The following GPNMB variants were observed in gnomAD, a reference collection of about 807,000 sequenced individuals.
GPNMB encodes glycoprotein nmb.
A neutral mutation model predicts 57.3 loss-of-function variants in GPNMB; 71 were observed. The observed-to-expected ratio is 1.24, with a 90% CI of 1.02 to 1.51. GPNMB has a LOEUF of 1.51. GPNMB is among the 40% of genes most tolerant of loss of function. GPNMB has a pLI of 0.00. For missense variants in GPNMB, 677 were observed against 691.9 expected, an observed-to-expected ratio of 0.98 and a Z score of 0.24; for synonymous variants, 253 against 263.2, an observed-to-expected ratio of 0.96 and a Z score of 0.38.
intron 8 of GPNMB, among the ~76,000 whole-genome samples, chr7:23,269,766 G>A (rs1783153515): frequency 6.6e-6 from 1 of 152,160 alleles, no homozygotes; most frequent in African/African-American, 2.4e-5. Flanking sequence ...TGAGGATGCA[G>A]AGAAAGGCAT....
intron 3 of GPNMB, among the ~76,000 whole-genome samples, chr7:23,256,109 T>A (rs1782771449): frequency 1.3e-5 from 2 of 152,168 alleles, no homozygotes; most frequent in Admixed American, 1.3e-4. Context: ...TTTCACCATG[T>A]TGGCCAGGCT....
intron 1 of GPNMB, among the ~76,000 whole-genome samples, chr7:23,251,909 C>T (rs984420910): frequency 1.3e-5 from 2 of 152,098 alleles, no homozygotes; most frequent in South Asian, 2.1e-4. Flanking sequence ...TAGGAGGAGG[C>T]GTGCAGGCGG....
Position 23,271,996 on chromosome 7 carries a change from C to G in GPNMB, c.1430-1525C>G, listed in dbSNP as rs1008715298. On this transcript the variant is annotated intron_variant, in intron 9 of 10. Transcript: ENST00000258733. ...GCAAAACCAACGATGCAAGGGTGCC[C>G]TGCTTCCTGCCCAGGAAGGTGGATC... 2.0e-4 allele frequency among the ~76,000 whole-genome samples: 31 copies of G among 152,254 alleles called. 1 individual carries two copies. The highest frequency in any genetic ancestry group is 5.1e-4 in the African/African-American group (21 of 41,542).
intron 1 of GPNMB, among the ~76,000 whole-genome samples, chr7:23,249,713 A>G (rs1263254119): frequency 6.6e-6 from 1 of 152,216 alleles, no homozygotes; most frequent in African/African-American, 2.4e-5. Flanking sequence ...TCACCCATTA[A>G]AGGACATCTG....
intron 5 of GPNMB, 87 bp downstream of exon 5, chr7:23,260,225 G>C: frequency 1.4e-6 from 2 of 1,421,196 alleles, no homozygotes; most frequent in East Asian, 2.3e-5. Flanking sequence ...CAAGTGTTCG[G>C]GGTTAGGTTA....
At chr7:23,253,259 A>C in intron 1 of GPNMB, 48 bp from the exon 2 acceptor site, 1 of 1,546,814 alleles carries the variant, frequency 6.5e-7, no homozygotes, top group Non-Finnish European at 8.9e-7. Flanking sequence ...AACCACTGTG[A>C]GGTGATTACT....
chr7:23,260,152 A>T lies in GPNMB; in HGVS notation c.700+14A>T. On this transcript the variant is annotated intron_variant, in intron 5 of 10. Transcript: ENST00000258733. ...ACGTGGTAACAGGTGAGTGGTGTGA[A>T]CTCTAACTGAGGATGAGGCACTTCA... 1 of 1,612,242 alleles carries T rather than the reference A, an allele frequency of 6.2e-7. No individual in the cohort carries two copies. Among genetic ancestry groups the T allele is most frequent in the Non-Finnish European group, 8.5e-7 (1 of 1,178,484 alleles).
At chr7:23,250,028 G>A (rs1287812862) in intron 1 of GPNMB, among the ~76,000 whole-genome samples, 1 of 152,164 alleles carries the variant, frequency 6.6e-6, no homozygotes, top group East Asian at 1.9e-4. Flanking sequence ...GGCTAATGAT[G>A]TTGAATATCT....
chr7:23,250,550 T>C (rs956682599), intron 1 of GPNMB, among the ~76,000 whole-genome samples: 7 of 144,838 alleles, frequency 4.8e-5, no homozygotes, highest in African/African-American at 1.8e-4. Flanking sequence ...AGCAACATAG[T>C]GGGACCCCCA....
At chr7:23,270,487 A>G (rs1003175015) in intron 9 of GPNMB, among the ~76,000 whole-genome samples, 1 of 151,914 alleles carries the variant, frequency 6.6e-6, no homozygotes, top group Non-Finnish European at 1.5e-5. Context: ...TATTTCAAGG[A>G]GAAAGTTTAA....
In GPNMB at chr7:23,254,185, G is replaced by C; in HGVS notation, c.240G>C (p.Ala80=). 6.2e-7 allele frequency: 1 copy of C among 1,613,402 alleles called. No individual in the cohort carries two copies. The highest frequency in any genetic ancestry group is 8.5e-7 in the Non-Finnish European group (1 of 1,179,714). The change falls in exon 3 of 11, where the codon GCG becomes GCC. Residue 80 remains alanine, a synonymous_variant. Transcript: ENST00000258733. ...KNSWKGGRVQ[A]VLTSDSPALV... ...ATACCCTAGGAGGCCGTGTGCAGGC[G>C]GTCCTGACCAGTGACTCACCAGCCC...
At chr7:23,267,775 A>C (rs915707677) in intron 7 of GPNMB, 111 bp from the exon 8 acceptor site, 11 of 794,040 alleles carry the variant, frequency 1.4e-5, no homozygotes, top group Non-Finnish European at 2.2e-5. Flanking sequence ...GGGTTTCAAC[A>C]TATGAATTTC....
chr7:23,267,868 T>C lies in GPNMB; in HGVS notation c.1118-18T>C, dbSNP rs768482896. ...TGTTGTATTTTGATGTGTTTTTCTC[T>C]GGGGGTTATTTTGTTAGAGGGAATC... On this transcript the variant is annotated intron_variant, in intron 7 of 10. Transcript: ENST00000258733. 1 of 1,478,350 alleles carries C rather than the reference T, an allele frequency of 6.8e-7. No individual in the cohort carries two copies. Among genetic ancestry groups the C allele is most frequent in the Non-Finnish European group, 9.5e-7 (1 of 1,055,970 alleles). 91.6% of individuals were successfully genotyped at this position (1,478,350 alleles called of 1,614,324 possible).
chr7:23,272,725 C>T (rs1783238987), intron 9 of GPNMB, among the ~76,000 whole-genome samples: 1 of 152,174 alleles, frequency 6.6e-6, no homozygotes, highest in East Asian at 1.9e-4. Context: ...GCATCTACTC[C>T]ATGCTCAGCA....
chr7:23,258,892 G>A (rs1332213436), intron 4 of GPNMB, among the ~76,000 whole-genome samples: 1 of 152,186 alleles, frequency 6.6e-6, no homozygotes, highest in Admixed American at 6.5e-5. Flanking sequence ...AAACAACCCG[G>A]TCTCAAAAGC....
intron 9 of GPNMB, among the ~76,000 whole-genome samples, chr7:23,271,689 G>A (rs1436842714): frequency 3.3e-5 from 5 of 151,906 alleles, no homozygotes; most frequent in Non-Finnish European, 5.9e-5. Context: ...CCAGCTACTC[G>A]GGAGGCTGAG....
At chr7:23,272,427 C>T (rs547362418) in intron 9 of GPNMB, among the ~76,000 whole-genome samples, 20 of 151,954 alleles carry the variant, frequency 1.3e-4, no homozygotes, top group African/African-American at 4.8e-4. Context: ...CCCAGAAGTC[C>T]AGCCTGGGCA....
At chr7:23,263,579 T>G (rs184269917) in intron 6 of GPNMB, among the ~76,000 whole-genome samples, 1,662 of 136,380 alleles carry the variant, frequency 0.012, 71 homozygotes, top group Admixed American at 0.1. Context: ...GCCATTGCAC[T>G]CCAGCCTGGG....
rs138676745 is a variant in GPNMB, at chr7:23,254,571, C to T, written c.367+259C>T. Among the ~76,000 whole-genome samples, 996 of 152,308 alleles carry T rather than the reference C, an allele frequency of 6.5e-3. 11 individuals are homozygous for T. Among genetic ancestry groups the T allele is most frequent in the African/African-American group, 0.023 (941 of 41,554 alleles). ...AGCCACATCACCACCTCCTGCTTTT[C>T]CTTAGTGTCCAGTTGACTGGACAGA... is the stretch of plus-strand genomic sequence containing the variant. On this transcript the variant is annotated intron_variant, in intron 3 of 10. Transcript: ENST00000258733.
Sources: allele counts gnomAD v4.1 joint callset (sites outside exome capture counted in the v4.1 genomes callset), GRCh38; gene constraint gnomAD v4.1.1; transcripts MANE v1.5; gene names NCBI Gene and HGNC (gene_info 2026-07-23, HGNC 2026-07-21).